The following LRRC3C variants were observed in gnomAD, a reference collection of about 807,000 sequenced individuals.
LRRC3C encodes leucine rich repeat containing 3C, also known as leucine-rich repeat-containing protein 3C.
Under a neutral mutation model 14.8 loss-of-function variants are expected in LRRC3C, and 11 were observed. That is an observed-to-expected ratio of 0.74 (90% confidence interval 0.47 to 1.23). The LOEUF is 1.23. Among genes scored for constraint, LRRC3C ranks in the 50% most tolerant of loss-of-function variants. The probability of loss-of-function intolerance (pLI) is 0.00; values close to 1 mark genes in which losing one functional copy is unlikely to be tolerated. For synonymous variants in LRRC3C, 149 were observed against 161.5 expected (o/e 0.92, Z 0.59); for missense variants, 354 against 361.8 (o/e 0.98, Z 0.18).
At chr17:39,933,529 T>G (rs1222707034) in intron 1 of LRRC3C, among the ~76,000 whole-genome samples, 2 of 152,044 alleles carry the variant, frequency 1.3e-5, no homozygotes, top group African/African-American at 4.8e-5. Context: ...GGTCAGGAGA[T>G]CGAGACCATC....
chr17:39,929,686 T>C (rs1978593966), intron 1 of LRRC3C, among the ~76,000 whole-genome samples: 1 of 152,178 alleles, frequency 6.6e-6, no homozygotes, highest in Non-Finnish European at 1.5e-5. Context: ...TTTGGTAGCA[T>C]ATTCTAAGGA....
rs543985749 is a variant in LRRC3C at position 39,934,053 on chromosome 17, G to A, written c.-174-1749G>A. On this transcript the variant is annotated intron_variant, in intron 1 of 3. Transcript: ENST00000377924. ...CCAGTCAGAAGCCAGGAGTGGGTGCGGGACTGGCAGCATCGCCAGCGGGCA... is the reference window on the plus strand; with the variant it reads ...CCAGTCAGAAGCCAGGAGTGGGTGCAGGACTGGCAGCATCGCCAGCGGGCA... 1.5e-4 allele frequency among the ~76,000 whole-genome samples: 23 copies of A among 152,360 alleles called. No homozygotes were observed. The South Asian group carries it at 3.9e-3, about 26-fold the overall frequency.
chr17:39,928,760 G>A (rs372750009), intron 1 of LRRC3C, among the ~76,000 whole-genome samples: 5 of 152,194 alleles, frequency 3.3e-5, no homozygotes, highest in African/African-American at 9.7e-5. Context: ...GAAGGAAAAG[G>A]CTAGCCCAGG....
intron 2 of LRRC3C, among the ~76,000 whole-genome samples, chr17:39,938,421 G>A (rs1395819297): frequency 6.6e-6 from 1 of 151,926 alleles, no homozygotes; most frequent in Non-Finnish European, 1.5e-5. Flanking sequence ...CAAAGTAGGG[G>A]CCAGGCACGG....
intron 1 of LRRC3C, chr17:39,929,177 G>C (rs1454050246): frequency 6.6e-6 from 1 of 152,154 alleles, no homozygotes; most frequent in African/African-American, 2.4e-5. Flanking sequence ...TGACTCCTTT[G>C]ATTTTTCTCT....
chr17:39,939,396 C>T, intron 2 of LRRC3C: 1 of 985,432 alleles, frequency 1.0e-6, no homozygotes, highest in Non-Finnish European at 1.2e-6. Context: ...GGAGACATGT[C>T]TGTGCCTCCC....
intron 2 of LRRC3C, among the ~76,000 whole-genome samples, chr17:39,937,587 TC>T (rs1282626464): frequency 1.3e-5 from 2 of 152,326 alleles, no homozygotes; most frequent in Non-Finnish European, 2.9e-5. Context: ...CACCACCCCC[TC>T]CATCCACGCA....
Position 39,944,219 on chromosome 17 carries a change from C to T in LRRC3C, c.313C>T (p.Leu105=). The change falls in exon 4 of 4, where the codon CTG becomes TTG. Residue 105 remains leucine (L), a synonymous_variant. Coordinates refer to ENST00000377924, the MANE Select transcript of LRRC3C (RefSeq NM_001195545.2). ...PAGAFQHLPV[L]EELDLSHNAL... The stretch of plus-strand genomic sequence containing the variant: ...TGGTGCCTTCCAGCACCTGCCTGTC[C>T]TGGAGGAGTTGGATCTGTCCCATAA... 1 of 1,535,944 alleles carries T rather than the reference C, an allele frequency of 6.5e-7. No homozygotes were observed. The highest frequency in any genetic ancestry group is 8.7e-7 in the Non-Finnish European group (1 of 1,146,824).
At chr17:39,936,649 C>CAA (rs762019861) in intron 2 of LRRC3C, among the ~76,000 whole-genome samples, 2 of 77,368 alleles carry the variant, frequency 2.6e-5, no homozygotes, top group Non-Finnish European at 5.5e-5. Flanking sequence ...CACAAAAATA[C>CAA]AAAAAAAAAA....
In LRRC3C at chr17:39,933,670, T is replaced by C. The variant is rs562525559; in HGVS notation, c.-174-2132T>C. Among the ~76,000 whole-genome samples, 20 of 152,122 alleles carry C rather than the reference T, an allele frequency of 1.3e-4. No homozygotes were observed. In the East Asian group the frequency reaches 3.7e-3, roughly 28 times the overall value. On this transcript the variant is annotated intron_variant, in intron 1 of 3. Coordinates refer to ENST00000377924, the MANE Select transcript of LRRC3C (RefSeq NM_001195545.2). ...ATGGCGTGAACCCGGGAGGCGGAGC[T>C]TGCAGTGAGCCGAGATGGCGCCACA...
intron 1 of LRRC3C, among the ~76,000 whole-genome samples, chr17:39,935,340 C>T (rs1978767387): frequency 6.6e-6 from 1 of 152,152 alleles, no homozygotes. Context: ...GCAGAGTCCA[C>T]TGCTTCATCC....
At chr17:39,939,418 A>G (rs1373056662) in intron 2 of LRRC3C, 1 of 985,380 alleles carries the variant, frequency 1.0e-6, no homozygotes, top group Non-Finnish European at 1.2e-6. Context: ...CCAGACCATC[A>G]ATTCTCAACT....
At chr17:39,936,531 G>A (rs1345839568) in intron 2 of LRRC3C, among the ~76,000 whole-genome samples, 1 of 151,944 alleles carries the variant, frequency 6.6e-6, no homozygotes, top group Non-Finnish European at 1.5e-5. Flanking sequence ...GACCAGATGC[G>A]GTGGCTCACG....
In LRRC3C at chr17:39,944,478, C is replaced by G. The variant is rs571610543; in HGVS notation, c.572C>G (p.Ala191Gly). The G allele has an allele frequency of 1.3e-6, 2 of 1,486,308 alleles. No individual in the cohort carries two copies. The highest frequency in any genetic ancestry group is 1.8e-6 in the Non-Finnish European group (2 of 1,120,052). 92.1% of individuals were successfully genotyped at this position (1,486,308 alleles called of 1,614,324 possible). Reference sequence around the variant, plus strand: ...ACAGGCATCGTGTGTGGCTCAGGAGCCCGACCGGACCTCGTGGGGCAGGAG... The same window carrying G: ...ACAGGCATCGTGTGTGGCTCAGGAGGCCGACCGGACCTCGTGGGGCAGGAG... ...TGTGIVCGSG[A>G]RPDLVGQEFL... The change falls in exon 4 of 4, where the codon GCC (alanine) becomes GGC (glycine). Residue 191 changes from alanine to glycine, a missense_variant. Physicochemically the swap from Ala to Gly is moderately conservative, Grantham distance 60 (BLOSUM62 0). Coordinates refer to ENST00000377924, the MANE Select transcript of LRRC3C (RefSeq NM_001195545.2).
rs887296491 is a variant in LRRC3C, at chr17:39,944,740, C to T, written c.*6C>T. ...TCCTCAGCACAGTGGTCTGATGACC[C>T]AGGATGCTCCTCCAGCCACACCCCA... On this transcript the variant is annotated 3_prime_UTR_variant, in exon 4 of 4. Transcript: ENST00000377924. The T allele has an allele frequency of 2.9e-5, 45 of 1,535,326 alleles. No individual in the cohort carries two copies. Among genetic ancestry groups the T allele is most frequent in the Non-Finnish European group, 3.8e-5 (44 of 1,146,584 alleles).
chr17:39,933,277 T>G (rs994534665), intron 1 of LRRC3C, among the ~76,000 whole-genome samples: 2 of 152,134 alleles, frequency 1.3e-5, no homozygotes, highest in Admixed American at 1.3e-4. Context: ...GTAGACACAT[T>G]CCCCAGCCTC....
At chr17:39,934,173 C>G (rs1458888338) in intron 1 of LRRC3C, among the ~76,000 whole-genome samples, 1 of 152,206 alleles carries the variant, frequency 6.6e-6, no homozygotes, top group Non-Finnish European at 1.5e-5. Flanking sequence ...GTCCCCATCC[C>G]CCAGCCTGTG....
At position 39,944,090 on chromosome 17, in the gene LRRC3C, A is replaced by G; in HGVS notation, c.184A>G (p.Thr62Ala). Residue 62 changes from threonine (T) to alanine (A), a missense_variant, in exon 4 of 4, where the codon ACG becomes GCG. Physicochemically the swap from Thr to Ala is moderately conservative, Grantham distance 58. Coordinates refer to ENST00000377924, the MANE Select transcript of LRRC3C (RefSeq NM_001195545.2). ...CYVAKEAGERTFRCSQAGLSA... is the reference protein window; with the variant it reads ...CYVAKEAGERAFRCSQAGLSA... ...TGTGGCAAAGGAAGCAGGTGAACGGACGTTCCGCTGCAGCCAGGCAGGCCT... is the reference window on the plus strand; with the variant it reads ...TGTGGCAAAGGAAGCAGGTGAACGGGCGTTCCGCTGCAGCCAGGCAGGCCT... The G allele has an allele frequency of 6.5e-7, 1 of 1,536,082 alleles. No individual in the cohort carries two copies. The highest frequency in any genetic ancestry group is 2.4e-5 in the East Asian group (1 of 40,898).
intron 1 of LRRC3C, chr17:39,929,459 G>A (rs1393715564): frequency 1.3e-5 from 2 of 152,138 alleles, no homozygotes; most frequent in Non-Finnish European, 2.9e-5. Flanking sequence ...TATTTAGCGG[G>A]AGTCCCTGTT....
Sources: gnomAD v4.1 joint callset for allele counts (sites outside exome capture counted in the v4.1 genomes callset) on GRCh38, gnomAD v4.1.1 for gene constraint, MANE v1.5 for transcripts, NCBI Gene and HGNC (gene_info 2026-07-23, HGNC 2026-07-21) for gene names.